Variants in CDH19 observed in about 807,000 individuals in gnomAD.
CDH19 encodes the protein cadherin-19.
In CDH19, 67 loss-of-function variants were observed where a neutral mutation model predicts 64.2. The observed-to-expected ratio is 1.04, with a 90% CI of 0.86 to 1.28. The LOEUF is 1.28. CDH19 is among the 50% of genes most tolerant of loss of function. The pLI is 0.00. For missense variants in CDH19, 1,030 were observed against 929.0 expected (o/e 1.11, Z -1.41); for synonymous variants, 346 against 319.3 (o/e 1.08, Z -0.89).
In CDH19 at chr18:66,595,477, G is replaced by A. The variant is rs1249354585; in HGVS notation, c.-113+8477C>T. Among the ~76,000 whole-genome samples the A allele has an allele frequency of 4.6e-5, 5 of 107,940 alleles. No homozygotes were observed. The East Asian group carries it at 1.4e-3, about 31-fold the overall frequency. The allele number at this position is 107,940 out of a possible 152,430, so 70.8% of individuals were successfully genotyped here. On this transcript the variant is annotated intron_variant, in intron 1 of 11. Transcript: ENST00000262150. ...AAAAGGATCCAAATAAACACAACTG[G>A]AAATGTCCAAGGGGACATTACCACC...
At chr18:66,559,378 T>A (rs1987636943) in intron 3 of CDH19, among the ~76,000 whole-genome samples, 2 of 151,902 alleles carry the variant, frequency 1.3e-5, no homozygotes, top group South Asian at 2.1e-4. Context: ...GAGTTAAAAC[T>A]TTTCCTCTGC....
At chr18:66,588,611 T>TATATATAA (rs1988646763) in intron 1 of CDH19, among the ~76,000 whole-genome samples, 1 of 132,766 alleles carries the variant, frequency 7.5e-6, no homozygotes, top group Non-Finnish European at 1.7e-5. Context: ...TAATCATATA[T>TATATATAA]ATCTATATCT....
chr18:66,600,540 G>A (rs114160168), intron 1 of CDH19, among the ~76,000 whole-genome samples: 2,592 of 151,780 alleles, frequency 0.017, 84 homozygotes, highest in African/African-American at 0.058. Context: ...ACACACACAC[G>A]TACACAAAAT....
At chr18:66,507,488 T>C (rs1985258281) in intron 11 of CDH19, among the ~76,000 whole-genome samples, 1 of 151,848 alleles carries the variant, frequency 6.6e-6, no homozygotes, top group Admixed American at 6.6e-5. Context: ...GTTTAGACTA[T>C]ATATTTTGGC....
chr18:66,568,901 T>C (rs79275104), intron 2 of CDH19, among the ~76,000 whole-genome samples, 191 bp from the exon 3 acceptor site: 1 of 151,892 alleles, frequency 6.6e-6, no homozygotes, highest in East Asian at 1.9e-4. Flanking sequence ...GAAGAGTGAA[T>C]ATTTAGTGTA....
chr18:66,596,642 C>T (rs941765168), intron 1 of CDH19, among the ~76,000 whole-genome samples: 29 of 151,854 alleles, frequency 1.9e-4, no homozygotes, highest in African/African-American at 6.5e-4. Flanking sequence ...TACTGAAAAT[C>T]AAAGAGGACA....
intron 3 of CDH19, among the ~76,000 whole-genome samples, chr18:66,560,240 G>A (rs1322657860): frequency 1.3e-5 from 2 of 152,030 alleles, no homozygotes; most frequent in African/African-American, 4.8e-5. Flanking sequence ...TGAATAGCTG[G>A]TAGAGCCAAC....
At chr18:66,530,811 G>A (rs1292964609) in intron 8 of CDH19, among the ~76,000 whole-genome samples, 1 of 152,136 alleles carries the variant, frequency 6.6e-6, no homozygotes, top group Non-Finnish European at 1.5e-5. Flanking sequence ...AGGATGCTTA[G>A]TGGCATCCCT....
At chr18:66,559,660 G>A (rs961517298) in intron 3 of CDH19, among the ~76,000 whole-genome samples, 2 of 147,116 alleles carry the variant, frequency 1.4e-5, no homozygotes, top group Non-Finnish European at 3.0e-5. Flanking sequence ...ATATAAAAGT[G>A]CATTTTTTAA....
intron 5 of CDH19, among the ~76,000 whole-genome samples, chr18:66,548,336 C>G (rs1036164591): frequency 6.7e-6 from 1 of 149,166 alleles, no homozygotes; most frequent in Non-Finnish European, 1.5e-5. Flanking sequence ...GGGAGAAGTT[C>G]AGTCTGGAGA....
chr18:66,572,300 G>C lies in CDH19; in HGVS notation c.-96C>G. Reference sequence around the variant, plus strand: ...TTCTTTTATAATCTTTTCTGATTCTGTGTACCTTCTATATACCTAAAGCGT... The same window carrying C: ...TTCTTTTATAATCTTTTCTGATTCTCTGTACCTTCTATATACCTAAAGCGT... On this transcript the variant is annotated 5_prime_UTR_variant, in exon 2 of 12. Coordinates refer to ENST00000262150, the MANE Select transcript of CDH19 (RefSeq NM_021153.4). 1.1e-6 allele frequency: 1 copy of C among 923,372 alleles called. No homozygotes were observed. The highest frequency in any genetic ancestry group is 1.9e-5 in the South Asian group (1 of 52,926). 57.2% of individuals were successfully genotyped at this position (923,372 alleles called of 1,614,324 possible). A position where few individuals can be genotyped will look rare whatever the true frequency, so the allele number is the denominator to read the frequency against.
intron 1 of CDH19, among the ~76,000 whole-genome samples, chr18:66,585,848 C>T (rs1988561837): frequency 1.3e-5 from 2 of 151,982 alleles, no homozygotes; most frequent in East Asian, 1.9e-4. Flanking sequence ...ATGACAGATA[C>T]ATATTATCAT....
At chr18:66,599,100 A>T (rs796401887) in intron 1 of CDH19, among the ~76,000 whole-genome samples, 11 of 152,174 alleles carry the variant, frequency 7.2e-5, no homozygotes, top group African/African-American at 2.7e-4. Flanking sequence ...TCTGCATATT[A>T]ACTTAAATTC....
At position 66,586,208 on chromosome 18, in the gene CDH19, G is replaced by A. The variant is rs116033392; in HGVS notation, c.-112-13892C>T. On this transcript the variant is annotated intron_variant, in intron 1 of 11. Coordinates refer to ENST00000262150, the MANE Select transcript of CDH19 (RefSeq NM_021153.4). ...ATGTCTCCATTTTTAGAAAAATATTGAGTAGGCGTGGCCAAAATGATATAT... is the reference window on the plus strand; with the variant it reads ...ATGTCTCCATTTTTAGAAAAATATTAAGTAGGCGTGGCCAAAATGATATAT... 9.4e-3 allele frequency among the ~76,000 whole-genome samples: 1,434 copies of A among 152,162 alleles called. 15 individuals carry two copies. Among genetic ancestry groups the A allele is most frequent in the African/African-American group, 0.033 (1,359 of 41,532 alleles).
intron 9 of CDH19, among the ~76,000 whole-genome samples, chr18:66,512,337 A>G (rs1359346829): frequency 6.6e-6 from 1 of 151,622 alleles, no homozygotes; most frequent in Non-Finnish European, 1.5e-5. Flanking sequence ...CTTTCAAGAC[A>G]TGAATCTGTC....
At chr18:66,533,235 C>T (rs73537791) in intron 8 of CDH19, among the ~76,000 whole-genome samples, 2,971 of 151,862 alleles carry the variant, frequency 0.02, 106 homozygotes, top group African/African-American at 0.068. Context: ...CACACACACA[C>T]ACACATCCAT....
Position 66,544,058 on chromosome 18 carries a change from A to G in CDH19, c.1127T>C (p.Val376Ala). The change falls in exon 7 of 12, where the codon GTA (valine) becomes GCA (alanine). Residue 376 changes from valine to alanine, a missense_variant. By Grantham distance (64) the Val-to-Ala change is moderately conservative. Transcript: ENST00000262150. ...TGGGGTTTCTTCAAAAACTTCAAAT[A>G]CATAATATGGAAGGAGGAAAAGAGG... The part of the protein sequence containing the change: ...EPPLFLLPYY[V>A]FEVFEETPQG... 6.2e-7 allele frequency: 1 copy of G among 1,613,782 alleles called. No individual in the cohort carries two copies. The highest frequency in any genetic ancestry group is 8.5e-7 in the Non-Finnish European group (1 of 1,179,732).
rs1230780998 is a variant in CDH19 at position 66,568,577 on chromosome 18, C to T, written c.329G>A (p.Arg110Gln). 1.9e-6 allele frequency: 3 copies of T among 1,611,882 alleles called. No individual in the cohort carries two copies. Among genetic ancestry groups the T allele is most frequent in the Non-Finnish European group, 2.5e-6 (3 of 1,178,774 alleles). Residue 110 changes from arginine (R) to glutamine (Q), a missense_variant, in exon 3 of 12, where the codon CGA becomes CAA. Physicochemically the swap from Arg to Gln is conservative, Grantham distance 43. Transcript: ENST00000262150. ...CTGGGCTCTTAAGATGTAGAGGGAT[C>T]GCTCCTCTCTATCAAGCTTCTGTAT... ...YAIQKLDREE[R>Q]SLYILRAQVI...
intron 7 of CDH19, among the ~76,000 whole-genome samples, chr18:66,535,562 G>A (rs1405651261): frequency 6.7e-6 from 1 of 148,442 alleles, no homozygotes; most frequent in Non-Finnish European, 1.5e-5. Flanking sequence ...ATTCTTTTGG[G>A]AAACCTGAAA....
Sources: gnomAD v4.1 joint callset for allele counts (sites outside exome capture counted in the v4.1 genomes callset) on GRCh38, gnomAD v4.1.1 for gene constraint, MANE v1.5 for transcripts, NCBI Gene and HGNC (gene_info 2026-07-23, HGNC 2026-07-21) for gene names.